AMPD3: variants seen among roughly 807,000 people sequenced by gnomAD.
AMPD3 encodes the protein adenosine monophosphate deaminase 3, also known as AMP deaminase 3.
Under a neutral mutation model 82.3 loss-of-function variants are expected in AMPD3, and 57 were observed. The ratio of observed to expected loss-of-function variants is 0.69; its 90% confidence interval spans 0.56 to 0.86. The LOEUF is 0.86. Ranked by LOEUF, AMPD3 falls within the 40% of genes least tolerant of loss-of-function variation. The pLI, the probability that AMPD3 is intolerant of heterozygous loss-of-function variation, is 0.00. For synonymous variants in AMPD3, 381 were observed against 394.7 expected (o/e 0.97, Z 0.41); for missense variants, 870 against 1,003.8 (o/e 0.87, Z 1.80).
intron 2 of AMPD3, among the ~76,000 whole-genome samples, chr11:10,465,817 GA>G (rs1325531675): frequency 1.3e-5 from 2 of 148,658 alleles, no homozygotes; most frequent in East Asian, 3.9e-4. Flanking sequence ...CTAGCTGCAG[GA>G]GTTTTTTTTT....
In AMPD3 at chr11:10,494,887, C is replaced by A; in HGVS notation, c.1135-12C>A. The A allele has an allele frequency of 6.2e-7, 1 of 1,612,430 alleles. No individual in the cohort carries two copies. The highest frequency in any genetic ancestry group is 1.1e-5 in the South Asian group (1 of 91,032). On this transcript the variant is annotated splice_polypyrimidine_tract_variant and intron_variant, in intron 7 of 14. Coordinates refer to ENST00000396553, the MANE Select transcript of AMPD3 (RefSeq NM_001025389.2). ...AGAACGATGCGTTGATTGGTGTGGT[C>A]TCCCCCCTCAGGGCCGGCAGACATT...
chr11:10,495,636 C>T lies in AMPD3; in HGVS notation c.1333C>T (p.Arg445Cys), dbSNP rs745357827. Residue 445 changes from arginine (R) to cysteine (C), a missense_variant, in exon 9 of 15, where the codon CGC (arginine) becomes TGC (cysteine). By Grantham distance (180) the Arg-to-Cys change is radical. Coordinates refer to ENST00000396553, the MANE Select transcript of AMPD3 (RefSeq NM_001025389.2). ...YSEPRLSIYG[R>C]SPEEWPNLAY... is the part of the protein sequence containing the mutation. The stretch of plus-strand genomic sequence containing the variant: ...AGAGCCACGGCTCTCCATCTACGGC[C>T]GCAGTCCTGAGGAGTGGCCCAACCT... 32 of 1,613,900 alleles carry T rather than the reference C, an allele frequency of 2.0e-5. No homozygotes were observed. The highest frequency in any genetic ancestry group is 9.3e-5 in the African/African-American group (7 of 74,920).
At chr11:10,477,022 G>C in intron 2 of AMPD3, 6 of 985,472 alleles carry the variant, frequency 6.1e-6, no homozygotes, top group Non-Finnish European at 6.0e-6. Flanking sequence ...ATAACACAGG[G>C]TAGGCAGGTG....
chr11:10,502,188 G>C (rs1048442669), intron 12 of AMPD3: 1 of 985,374 alleles, frequency 1.0e-6, no homozygotes, highest in Non-Finnish European at 1.2e-6. Context: ...CCCTGATCCC[G>C]GTGAGGTGTA....
intron 2 of AMPD3, among the ~76,000 whole-genome samples, chr11:10,474,024 C>T (rs530408865): frequency 2.0e-5 from 3 of 152,092 alleles, no homozygotes; most frequent in Non-Finnish European, 4.4e-5. Flanking sequence ...AAATGTCCCC[C>T]CTCTGACCCC....
intron 3 of AMPD3, chr11:10,479,987 T>G: frequency 1.0e-6 from 1 of 985,316 alleles, no homozygotes; most frequent in Non-Finnish European, 1.2e-6. Context: ...GGCAGGGCAT[T>G]GGAAAGCAAG....
rs1848086370 is a variant in AMPD3 at position 10,456,140 on chromosome 11, A to AC, written c.-6+694dup. 2.9e-6 allele frequency: 4 copies of AC among 1,369,450 alleles called. No homozygotes were observed. The highest frequency in any genetic ancestry group is 3.8e-6 in the Non-Finnish European group (4 of 1,062,016). The allele number at this position is 1,369,450 out of a possible 1,614,324, so 84.8% of individuals were successfully genotyped here. ...CATTTTGTTTTGGATAACTGGGATTACCTGGGGACTTCAGGGCTCTTGGAA... is the reference window on the plus strand; with the variant it reads ...CATTTTGTTTTGGATAACTGGGATTACCCTGGGGACTTCAGGGCTCTTGGAA... On this transcript the variant is annotated intron_variant, in intron 1 of 14. Transcript: ENST00000396553. This position sits in a 1 kb window ranked among gnomAD's most constrained non-coding sequence, Gnocchi z 4.3.
At chr11:10,494,350 G>T (rs932594970) in intron 7 of AMPD3, among the ~76,000 whole-genome samples, 8 of 152,174 alleles carry the variant, frequency 5.3e-5, no homozygotes, top group Non-Finnish European at 1.0e-4. Context: ...GGAAGTTAGT[G>T]TTTAGTGGGT....
intron 4 of AMPD3, 22 bp from the exon 5 acceptor site, chr11:10,484,798 A>G (rs750375616): frequency 3.1e-6 from 5 of 1,612,084 alleles, no homozygotes; most frequent in Non-Finnish European, 4.2e-6. Flanking sequence ...GCACTTTGCC[A>G]TCCCTCAATC....
At chr11:10,490,395 C>T (rs1368073137) in intron 6 of AMPD3, 2 of 784,112 alleles carry the variant, frequency 2.6e-6, no homozygotes, top group South Asian at 5.8e-5. Flanking sequence ...TAGGGGCCAC[C>T]CCTAAAGCTT....
At position 10,495,728 on chromosome 11, in the gene AMPD3, G is replaced by A. The variant is rs747012724; in HGVS notation, c.1425G>A (p.Arg475=). 4.3e-6 allele frequency: 7 copies of A among 1,614,018 alleles called. No homozygotes were observed. The Admixed American group carries it at 1.2e-4, about 27-fold the overall frequency. ...PNMRWIIQVP[R]IYDIFRSKKL... is the part of the protein sequence containing the mutation. ...TGCGCTGGATCATCCAGGTGCCCCG[G>A]ATTTAGTAAGTGAGGTGGCCCGCTG... Residue 475 remains arginine, a synonymous_variant, in exon 9 of 15, where the codon CGG becomes CGA. Coordinates refer to ENST00000396553, the MANE Select transcript of AMPD3 (RefSeq NM_001025389.2).
chr11:10,486,953 C>T (rs545549371), intron 5 of AMPD3: 42 of 985,376 alleles, frequency 4.3e-5, no homozygotes, highest in East Asian at 3.4e-4. Context: ...TGGAGGCTTG[C>T]GGTTAATTCC....
rs182126494 is a variant in AMPD3 at position 10,491,072 on chromosome 11, C to T, written c.940-2277C>T. Among the ~76,000 whole-genome samples the T allele has an allele frequency of 1.4e-4, 22 of 152,346 alleles. No individual in the cohort carries two copies. In the East Asian group the frequency reaches 3.3e-3, roughly 23 times the overall value. On this transcript the variant is annotated intron_variant, in intron 6 of 14. Transcript: ENST00000396553. ...TGGTTTGGCATTACTTGGAGATGCT[C>T]AGCCAGCCGTGGACAGCATTCCCTG...
intron 2 of AMPD3, 139 bp from the exon 3 acceptor site, chr11:10,478,387 A>G: frequency 6.3e-7 from 1 of 1,582,718 alleles, no homozygotes; most frequent in South Asian, 1.1e-5. Flanking sequence ...ATGAATAATT[A>G]GAAACTTCTT....
rs55662718 is a variant in AMPD3, at chr11:10,480,402, G to A, written c.427-1661G>A. On this transcript the variant is annotated intron_variant, in intron 3 of 14. Coordinates refer to ENST00000396553, the MANE Select transcript of AMPD3 (RefSeq NM_001025389.2). ...CGGTGTCTGCTCACCTATTCCTGCCGCTCTCAGAAGCCATCCACTGGAAGA... is the reference window on the plus strand; with the variant it reads ...CGGTGTCTGCTCACCTATTCCTGCCACTCTCAGAAGCCATCCACTGGAAGA... 9.2e-3 allele frequency among the ~76,000 whole-genome samples: 1,405 copies of A among 152,196 alleles called. 21 individuals carry two copies. Among genetic ancestry groups the A allele is most frequent in the African/African-American group, 0.033 (1,356 of 41,486 alleles).
At chr11:10,501,383 C>T (rs565936490) in intron 11 of AMPD3, 87 bp from the exon 12 acceptor site, 88 of 1,567,212 alleles carry the variant, frequency 5.6e-5, no homozygotes, top group Admixed American at 2.1e-4. Context: ...TCATTCCCCC[C>T]GGAGCTGGCC....
intron 7 of AMPD3, 129 bp downstream of exon 7, chr11:10,493,672 T>A: frequency 9.7e-7 from 1 of 1,029,252 alleles, no homozygotes; most frequent in Non-Finnish European, 1.5e-6. Flanking sequence ...TCTATCTGAC[T>A]GAGAGGTCAT....
At chr11:10,462,567 G>C (rs375831816) in intron 2 of AMPD3, among the ~76,000 whole-genome samples, 1 of 152,192 alleles carries the variant, frequency 6.6e-6, no homozygotes, top group African/African-American at 2.4e-5. Context: ...GCACCTTCCA[G>C]GTTCTCCCAG....
At chr11:10,450,655 A>C, upstream of AMPD3, 1 of 1,011,046 alleles carries the variant, frequency 9.9e-7, no homozygotes, top group East Asian at 9.3e-5. Flanking sequence ...GCTTCCGGCC[A>C]AGGGCCCTGG....
Sources: gnomAD v4.1 joint callset for allele counts (sites outside exome capture counted in the v4.1 genomes callset) on GRCh38, gnomAD v4.1.1 for gene constraint, Gnocchi (gnomAD v3.1) non-coding constraint, MANE v1.5 for transcripts, NCBI Gene and HGNC (gene_info 2026-07-23, HGNC 2026-07-21) for gene names.